SLC1A1: variants seen among roughly 807,000 people sequenced by gnomAD.
The protein encoded by SLC1A1 is excitatory amino acid transporter 3.
In SLC1A1, 43 loss-of-function variants were observed where a neutral mutation model predicts 53.3. The observed-to-expected ratio is 0.81, with a 90% confidence interval of 0.63 to 1.04. The LOEUF (loss-of-function observed/expected upper bound fraction) is 1.04. SLC1A1 is among the 50% of genes least tolerant of loss of function. SLC1A1 has a pLI of 0.00. For synonymous variants in SLC1A1, 307 were observed against 243.2 expected, an observed-to-expected ratio of 1.26 and a Z score of -2.44; for missense variants, 748 against 664.9, an observed-to-expected ratio of 1.12 and a Z score of -1.37.
chr9:4,553,898 CT>C (rs1818151758), intron 2 of SLC1A1: 1 of 152,202 alleles, frequency 6.6e-6, no homozygotes, highest in Admixed American at 6.5e-5. Context: ...CTCTTTGCCT[CT>C]TCCTTTCCCT....
At chr9:4,577,563 C>A (rs1437440320) in intron 10 of SLC1A1, among the ~76,000 whole-genome samples, 1 of 152,180 alleles carries the variant, frequency 6.6e-6, no homozygotes, top group East Asian at 1.9e-4. Flanking sequence ...ACAACCTCCG[C>A]CTCCAGGGTT....
intron 10 of SLC1A1, among the ~76,000 whole-genome samples, chr9:4,577,742 C>T (rs539261743): frequency 1.3e-5 from 2 of 152,092 alleles, no homozygotes; most frequent in Non-Finnish European, 2.9e-5. Context: ...CCCAAAGTGC[C>T]GGGATTATAG....
At chr9:4,553,502 G>A (rs143418992) in intron 2 of SLC1A1, 1 of 152,200 alleles carries the variant, frequency 6.6e-6, no homozygotes, top group Non-Finnish European at 1.5e-5. Context: ...AAGTAGCTGG[G>A]ACTATAGGTG....
chr9:4,532,040 C>G (rs1816491162), intron 1 of SLC1A1, among the ~76,000 whole-genome samples: 1 of 152,108 alleles, frequency 6.6e-6, no homozygotes, highest in Non-Finnish European at 1.5e-5. Flanking sequence ...GACATCCACA[C>G]CAAAACCCCA....
intron 2 of SLC1A1, 91 bp downstream of exon 2, chr9:4,544,798 A>C: frequency 9.0e-7 from 1 of 1,106,730 alleles, no homozygotes; most frequent in East Asian, 2.4e-5. Context: ...TAAAGGAAAG[A>C]GGTTTAATTG....
intron 1 of SLC1A1, among the ~76,000 whole-genome samples, chr9:4,505,046 T>TTTTTC (rs1820754328): frequency 8.7e-5 from 2 of 23,052 alleles, no homozygotes; most frequent in South Asian, 2.1e-3. Flanking sequence ...CATATATTTC[T>TTTTTC]TTTTTTTTTT....
intron 2 of SLC1A1, among the ~76,000 whole-genome samples, chr9:4,557,280 C>T (rs1462232093): frequency 1.3e-5 from 2 of 152,218 alleles, no homozygotes; most frequent in Non-Finnish European, 2.9e-5. Context: ...GATGGAACTA[C>T]GTGCCAGGAG....
At position 4,576,045 on chromosome 9, in the gene SLC1A1, T is replaced by C. The variant is rs34342853; in HGVS notation, c.920T>C (p.Ile307Thr). 2.4e-3 allele frequency: 3,928 copies of C among 1,613,844 alleles called. 9 individuals carry two copies. Among genetic ancestry groups the C allele is most frequent in the Non-Finnish European group, 3.1e-3 (3,712 of 1,179,674 alleles). ...SIVILPLIYFIVVRKNPFRFA... is the reference protein window; with the variant it reads ...SIVILPLIYFTVVRKNPFRFA... ...GTAATTCTCCCGCTGATATATTTCA[T>C]AGTCGTACGAAAGAACCCTTTCCGA... The change falls in exon 9 of 12, where the codon ATA (isoleucine) becomes ACA (threonine). Residue 307 changes from isoleucine (I) to threonine (T), a missense_variant. Transcript: ENST00000262352.
chr9:4,532,923 A>G (rs1464302234), intron 1 of SLC1A1, among the ~76,000 whole-genome samples: 1 of 152,170 alleles, frequency 6.6e-6, no homozygotes, highest in Admixed American at 6.5e-5. Flanking sequence ...ATTCTTATAG[A>G]AAAGAATTTT....
chr9:4,584,953 G>A (rs946360228), intron 11 of SLC1A1, among the ~76,000 whole-genome samples: 3 of 152,130 alleles, frequency 2.0e-5, no homozygotes, highest in Admixed American at 2.0e-4. Flanking sequence ...GCCCACAATG[G>A]CATTTGCATT....
chr9:4,490,770 G>A lies in SLC1A1; in HGVS notation c.91G>A (p.Gly31Ser), dbSNP rs1189243934. 9 of 1,611,226 alleles carry A rather than the reference G, an allele frequency of 5.6e-6. No homozygotes were observed. Among genetic ancestry groups the A allele is most frequent in the Non-Finnish European group, 7.6e-6 (9 of 1,178,002 alleles). ...GTCCACCGTGGCCGCGGTGGTGCTA[G>A]GTGAGCGGCGCGGCGGGTGGGCGAT... ...LLSTVAAVVL[G>S]ITTGVLVREH... The change falls in exon 1 of 12, where the codon GGC (glycine) becomes AGC (serine). Residue 31 changes from glycine to serine, a missense_variant and splice_region_variant. By Grantham distance (56) the Gly-to-Ser change is moderately conservative. Transcript: ENST00000262352.
chr9:4,523,739 G>A (rs1215130857), intron 1 of SLC1A1, among the ~76,000 whole-genome samples: 1 of 152,184 alleles, frequency 6.6e-6, no homozygotes, highest in Non-Finnish European at 1.5e-5. Flanking sequence ...CTTACAGTGT[G>A]AGCCAGGTAC....
chr9:4,543,811 AT>A (rs1305021855), intron 1 of SLC1A1, among the ~76,000 whole-genome samples: 1 of 152,204 alleles, frequency 6.6e-6, no homozygotes, highest in Non-Finnish European at 1.5e-5. Flanking sequence ...AACAGGAAAG[AT>A]TATACAAATA....
chr9:4,583,581 A>T lies in SLC1A1; in HGVS notation c.1328+409A>T, dbSNP rs760716060. ...CTAAGCATCTTCCGAACCATCAGGG[A>T]CAGTGGCACAAGCACTTGGGTTTGA... is the stretch of plus-strand genomic sequence containing the variant. On this transcript the variant is annotated intron_variant, in intron 11 of 11. Coordinates refer to ENST00000262352, the MANE Select transcript of SLC1A1 (RefSeq NM_004170.6). The surrounding 1 kb of genome is among the most constrained non-coding windows in gnomAD (Gnocchi z 4.6). Among the ~76,000 whole-genome samples the T allele has an allele frequency of 2.0e-5, 3 of 152,170 alleles. No homozygotes were observed. Among genetic ancestry groups the T allele is most frequent in the Non-Finnish European group, 4.4e-5 (3 of 68,018 alleles).
At chr9:4,563,868 A>G (rs539747268) in intron 3 of SLC1A1, among the ~76,000 whole-genome samples, 54 of 152,186 alleles carry the variant, frequency 3.5e-4, no homozygotes, top group Non-Finnish European at 6.2e-4. Context: ...GACCTACGGT[A>G]TGGAAGGAAG....
Position 4,561,596 on chromosome 9 carries a change from G to A in SLC1A1, c.325+55G>A, listed in dbSNP as rs10974625. The A allele has an allele frequency of 0.26, 290,947 of 1,130,482 alleles. 40,238 individuals carry two copies. Among genetic ancestry groups the A allele is most frequent in the East Asian group, 0.46 (19,706 of 42,698 alleles). The allele number at this position is 1,130,482 out of a possible 1,614,324, so 70.0% of individuals were successfully genotyped here. On this transcript the variant is annotated intron_variant, in intron 3 of 11. Coordinates refer to ENST00000262352, the MANE Select transcript of SLC1A1 (RefSeq NM_004170.6). ...TTATGTAATGGTGATTTTTTCATTC[G>A]AAAAGTAGTTGGTGGCCAGATGCGG...
chr9:4,532,894 G>C lies in SLC1A1; in HGVS notation c.92-11673G>C, dbSNP rs141778028. ...CAGAAACTCTACAAGCCAGAAGAGAGTGGGGGCCAATATGCAACATTCTTA... is the reference window on the plus strand; with the variant it reads ...CAGAAACTCTACAAGCCAGAAGAGACTGGGGGCCAATATGCAACATTCTTA... On this transcript the variant is annotated intron_variant, in intron 1 of 11. Transcript: ENST00000262352. Among the ~76,000 whole-genome samples the C allele has an allele frequency of 4.8e-3, 728 of 152,314 alleles. 8 individuals are homozygous for C. The highest frequency in any genetic ancestry group is 0.017 in the African/African-American group (690 of 41,572).
intron 1 of SLC1A1, among the ~76,000 whole-genome samples, chr9:4,538,258 A>G (rs1017372673): frequency 6.6e-6 from 1 of 152,176 alleles, no homozygotes; most frequent in Admixed American, 6.5e-5. Flanking sequence ...AGTACATGTA[A>G]GATTTACATT....
intron 10 of SLC1A1, among the ~76,000 whole-genome samples, chr9:4,578,464 T>C (rs190707339): frequency 7.9e-5 from 12 of 151,848 alleles, no homozygotes; most frequent in Admixed American, 7.9e-4. Flanking sequence ...GAGAAGGAGA[T>C]TAAGGACTGA....
Sources: allele counts gnomAD v4.1 joint callset (sites outside exome capture counted in the v4.1 genomes callset), GRCh38; gene constraint gnomAD v4.1.1; non-coding constraint Gnocchi (gnomAD v3.1); transcripts MANE v1.5; gene names NCBI Gene and HGNC (gene_info 2026-07-23, HGNC 2026-07-21).